The following FAM167A variants were observed in gnomAD, a reference collection of about 807,000 sequenced individuals.
FAM167A encodes the protein protein FAM167A.
FAM167A carries 23 observed loss-of-function variants against 14.9 expected under a neutral mutation model. That is an observed-to-expected ratio of 1.55 (90% CI 1.11 to 2.19). The LOEUF is 2.19. Ranked by LOEUF, FAM167A falls within the 30% of genes most tolerant of loss-of-function variation. The pLI is 0.00. For synonymous variants in FAM167A, 174 were observed against 117.7 expected, an observed-to-expected ratio of 1.48 and a Z score of -3.10; for missense variants, 401 against 281.5, an observed-to-expected ratio of 1.42 and a Z score of -3.04.
In FAM167A at chr8:11,435,595, G is replaced by A. The variant is rs550283311; in HGVS notation, c.381+8436C>T. 2.6e-4 allele frequency among the ~76,000 whole-genome samples: 39 copies of A among 152,266 alleles called. No homozygotes were observed. In the South Asian group the frequency reaches 8.1e-3, roughly 32 times the overall value. ...CCTCACTCCTCCCTCTGCTACCCGGGCTGACCGCCACCCTCTGGGATCTCC... is the reference window on the plus strand; with the variant it reads ...CCTCACTCCTCCCTCTGCTACCCGGACTGACCGCCACCCTCTGGGATCTCC... On this transcript the variant is annotated intron_variant, in intron 2 of 2. Coordinates refer to ENST00000284486, the MANE Select transcript of FAM167A (RefSeq NM_053279.3).
upstream of FAM167A, among the ~76,000 whole-genome samples, chr8:11,471,251 G>T (rs1285511884): frequency 6.6e-6 from 1 of 152,234 alleles, no homozygotes; most frequent in East Asian, 1.9e-4. Flanking sequence ...AGAGCAGGAG[G>T]TTGCTCAGCG....
chr8:11,440,402 C>A (rs1029442974), intron 2 of FAM167A, among the ~76,000 whole-genome samples: 2 of 152,222 alleles, frequency 1.3e-5, no homozygotes, highest in African/African-American at 2.4e-5. Context: ...ACAGTCATTT[C>A]CTTGAAAGCT....
intron 2 of FAM167A, chr8:11,438,109 G>A (rs1298876754): frequency 2.2e-6 from 1 of 456,512 alleles, no homozygotes; most frequent in Admixed American, 2.4e-5. Context: ...ACGGAAGCCA[G>A]GCGGCCAGTG....
At position 11,444,803 on chromosome 8, in the gene FAM167A, G is replaced by A; in HGVS notation, c.-392C>T. ...TCTTCTCGGGAAGGGCAGGTGGCTG[G>A]AGACCCTGTGGGAGGGATGAGAACC... On this transcript the variant is annotated 5_prime_UTR_variant, in exon 2 of 3. Coordinates refer to ENST00000284486, the MANE Select transcript of FAM167A (RefSeq NM_053279.3). 9.9e-7 allele frequency: 1 copy of A among 1,005,834 alleles called. No individual in the cohort carries two copies. Among genetic ancestry groups the A allele is most frequent in the Non-Finnish European group, 1.2e-6 (1 of 843,010 alleles). 62.3% of individuals were successfully genotyped at this position (1,005,834 alleles called of 1,614,324 possible). A position where few individuals can be genotyped will look rare whatever the true frequency, so the allele number is the denominator to read the frequency against.
intron 2 of FAM167A, among the ~76,000 whole-genome samples, chr8:11,441,164 G>A (rs973782211): frequency 1.3e-5 from 2 of 152,188 alleles, no homozygotes; most frequent in African/African-American, 4.8e-5. Context: ...GTGGGATGCT[G>A]TGGGTTTGTT....
At chr8:11,450,704 G>C (rs934930823) in intron 1 of FAM167A, among the ~76,000 whole-genome samples, 1 of 152,220 alleles carries the variant, frequency 6.6e-6, no homozygotes, top group Non-Finnish European at 1.5e-5. Flanking sequence ...GAATGAATGA[G>C]CCAATAAAAC....
intron 2 of FAM167A, among the ~76,000 whole-genome samples, chr8:11,439,053 A>G (rs925259503): frequency 2.0e-5 from 3 of 152,200 alleles, no homozygotes; most frequent in African/African-American, 7.2e-5. Flanking sequence ...TGGACATCTG[A>G]TGTGCCCAGA....
Position 11,421,650 on chromosome 8 carries a change from C to T in FAM167A, c.*2723G>A. On this transcript the variant is annotated 3_prime_UTR_variant, in exon 3 of 3. Coordinates refer to ENST00000284486, the MANE Select transcript of FAM167A (RefSeq NM_053279.3). ...TGAACTCGGTCAGGCATCGTCAAGC[C>T]TGCCCAGGCCCTCCAGGCCTCTTTG... is the stretch of plus-strand genomic sequence containing the variant. 1 of 398,836 alleles carries T rather than the reference C, an allele frequency of 2.5e-6. No individual in the cohort carries two copies. The highest frequency in any genetic ancestry group is 4.4e-6 in the Non-Finnish European group (1 of 226,044). 24.7% of individuals were successfully genotyped at this position (398,836 alleles called of 1,614,324 possible). A position where few individuals can be genotyped will look rare whatever the true frequency, so the allele number is the denominator to read the frequency against.
At chr8:11,460,911 A>C (rs1469126292) in intron 1 of FAM167A, among the ~76,000 whole-genome samples, 1 of 152,232 alleles carries the variant, frequency 6.6e-6, no homozygotes, top group Non-Finnish European at 1.5e-5. Context: ...AGACCTTTGC[A>C]AATTCAAAGT....
intron 1 of FAM167A, among the ~76,000 whole-genome samples, chr8:11,457,953 C>T (rs964064049): frequency 7.2e-5 from 11 of 152,194 alleles, no homozygotes; most frequent in African/African-American, 1.9e-4. Context: ...CACTGCTGCA[C>T]CTTTTGTGTC....
chr8:11,433,835 G>C (rs755562403), intron 2 of FAM167A: 1 of 152,204 alleles, frequency 6.6e-6, no homozygotes, highest in East Asian at 1.9e-4. Context: ...ACTGTCCGAC[G>C]ATTTGGGAAT....
chr8:11,445,608 G>T, intron 1 of FAM167A: 3 of 985,468 alleles, frequency 3.0e-6, no homozygotes, highest in Non-Finnish European at 3.6e-6. Flanking sequence ...ATCTGATGTG[G>T]CCTCCCCATC....
At chr8:11,431,807 C>T (rs1805610223) in intron 2 of FAM167A, among the ~76,000 whole-genome samples, 1 of 140,916 alleles carries the variant, frequency 7.1e-6, no homozygotes, top group African/African-American at 2.7e-5. Flanking sequence ...TGATGAGACC[C>T]TGAAGAGTAG....
chr8:11,449,098 G>T (rs1056827154), intron 1 of FAM167A, among the ~76,000 whole-genome samples: 15 of 152,218 alleles, frequency 9.9e-5, no homozygotes, highest in African/African-American at 3.6e-4. Flanking sequence ...GCTGCTGCAG[G>T]AATGGGATTG....
intron 2 of FAM167A, among the ~76,000 whole-genome samples, chr8:11,437,144 A>G (rs1806075447): frequency 6.6e-6 from 1 of 152,188 alleles, no homozygotes; most frequent in African/African-American, 2.4e-5. Flanking sequence ...AGTTTCCTAT[A>G]GCATGGTGGG....
chr8:11,431,892 G>T (rs1304206279), intron 2 of FAM167A, among the ~76,000 whole-genome samples: 2 of 12,698 alleles, frequency 1.6e-4, no homozygotes, highest in Non-Finnish European at 2.9e-4. Context: ...GGACCAATTG[G>T]CAAAAAAAAA....
chr8:11,435,320 T>C (rs1208047218), intron 2 of FAM167A, among the ~76,000 whole-genome samples: 1 of 152,168 alleles, frequency 6.6e-6, no homozygotes, highest in Non-Finnish European at 1.5e-5. Flanking sequence ...CCATGCGGCC[T>C]CCACCATGGC....
Position 11,460,105 on chromosome 8 carries a change from C to G in FAM167A, c.-398+6521G>C, listed in dbSNP as rs543823974. ...GCCAGTCCCAGGGACAGCTGTGATGCTGGGGCCACCAGTGTGAGAGGATGG... is the reference window on the plus strand; with the variant it reads ...GCCAGTCCCAGGGACAGCTGTGATGGTGGGGCCACCAGTGTGAGAGGATGG... On this transcript the variant is annotated intron_variant, in intron 1 of 2. Transcript: ENST00000284486. 5.9e-5 allele frequency among the ~76,000 whole-genome samples: 9 copies of G among 152,358 alleles called. No homozygotes were observed. In the Middle Eastern group the frequency reaches 0.01, roughly 173 times the overall value.
chr8:11,470,118 G>C (rs189065015), upstream of FAM167A, among the ~76,000 whole-genome samples: 1 of 152,126 alleles, frequency 6.6e-6, no homozygotes, highest in Non-Finnish European at 1.5e-5. Context: ...GACGATGACC[G>C]ACAAATACGC....
Sources: allele counts gnomAD v4.1 joint callset (sites outside exome capture counted in the v4.1 genomes callset), GRCh38; gene constraint gnomAD v4.1.1; transcripts MANE v1.5; gene names NCBI Gene and HGNC (gene_info 2026-07-23, HGNC 2026-07-21).